Variants in MYOF observed in about 807,000 individuals in gnomAD.
The protein encoded by MYOF is fer-1-like 3, myoferlin.
A neutral mutation model predicts 284.2 loss-of-function variants in MYOF; 244 were observed. The ratio of observed to expected loss-of-function variants is 0.86; its 90% confidence interval spans 0.77 to 0.95. The LOEUF is 0.95. Among genes scored for constraint, MYOF ranks in the 40% least tolerant of loss-of-function variants. The pLI, the probability that MYOF is intolerant of heterozygous loss-of-function variation, is 0.00. For missense variants in MYOF, 2,496 were observed against 2,560.6 expected (o/e 0.97, Z 0.54); for synonymous variants, 904 against 919.7 (o/e 0.98, Z 0.31).
At chr10:93,324,127 C>T (rs1178789312) in intron 46 of MYOF, 3 of 152,144 alleles carry the variant, frequency 2.0e-5, no homozygotes, top group Non-Finnish European at 4.4e-5. Flanking sequence ...CAGACTTGGC[C>T]CATCCATCTG....
intron 19 of MYOF, among the ~76,000 whole-genome samples, chr10:93,383,335 A>G (rs2134009887): frequency 6.6e-6 from 1 of 152,096 alleles, no homozygotes. Flanking sequence ...GTATAATAGA[A>G]CCCTCCAATA....
At chr10:93,420,421 A>G (rs1157155027) in intron 5 of MYOF, among the ~76,000 whole-genome samples, 3 of 152,176 alleles carry the variant, frequency 2.0e-5, no homozygotes, top group Non-Finnish European at 4.4e-5. Context: ...CAGGGGGGTC[A>G]GTGAAAAGAA....
intron 5 of MYOF, among the ~76,000 whole-genome samples, chr10:93,421,887 A>T (rs1173803379): frequency 1.3e-5 from 2 of 152,136 alleles, no homozygotes; most frequent in African/African-American, 2.4e-5. Context: ...TAGGGAAAAG[A>T]AATGTTTTCC....
In MYOF at chr10:93,329,782, C is replaced by T. The variant is rs747515298; in HGVS notation, c.4864G>A (p.Val1622Ile). 6.2e-7 allele frequency: 1 copy of T among 1,614,184 alleles called. No individual in the cohort carries two copies. The highest frequency in any genetic ancestry group is 8.5e-7 in the Non-Finnish European group (1 of 1,180,038). The change falls in exon 44 of 54, where the codon GTC becomes ATC. Residue 1622 changes from valine to isoleucine, a missense_variant. Physicochemically the swap from Val to Ile is conservative, Grantham distance 29. Around this residue, in one of 3 missense-constraint regions of MYOF, gnomAD observed 2,436 missense variants for 2,480.7 expected, o/e 0.98. Coordinates refer to ENST00000359263, the MANE Select transcript of MYOF (RefSeq NM_013451.4). ...CGGGTAAAGGTGTCATAATCATAGACAGAAATTTTCAGGTCTTTTTCTTGA... is the reference window on the plus strand; with the variant it reads ...CGGGTAAAGGTGTCATAATCATAGATAGAAATTTTCAGGTCTTTTTCTTGA... ...LPQEKDLKIS[V>I]YDYDTFTRDE...
At chr10:93,424,584 C>A (rs568427484) in intron 5 of MYOF, among the ~76,000 whole-genome samples, 2 of 152,254 alleles carry the variant, frequency 1.3e-5, no homozygotes, top group South Asian at 4.1e-4. Context: ...AGGAAGAGGG[C>A]GATGGGCAGA....
intron 41 of MYOF, among the ~76,000 whole-genome samples, chr10:93,334,194 AAG>A (rs1389622568): frequency 1.4e-4 from 21 of 152,296 alleles, no homozygotes; most frequent in Admixed American, 5.2e-4. Context: ...GGTGGTGAGA[AAG>A]AGTGAAATAC....
Position 93,431,364 on chromosome 10 carries a change from A to G in MYOF, c.345+44T>C, listed in dbSNP as rs1212506616. The G allele has an allele frequency of 3.2e-6, 5 of 1,562,668 alleles. No individual in the cohort carries two copies. In the African/African-American group the frequency reaches 4.1e-5, roughly 13 times the overall value. On this transcript the variant is annotated intron_variant, in intron 4 of 53. Transcript: ENST00000359263. ...CTTTTTCTTAATGAAATTTTGCTCA[A>G]TCATCTCACTTCAAAGCCATTCAAT...
intron 3 of MYOF, 39 bp from the exon 4 acceptor site, chr10:93,431,555 G>A: frequency 6.7e-7 from 1 of 1,502,888 alleles, no homozygotes. Context: ...AGCCTAAGTA[G>A]GAGATAGGCT....
In MYOF at chr10:93,306,840, G is replaced by A. The variant is rs542606598; in HGVS notation, c.*123C>T. 1.2e-4 allele frequency: 118 copies of A among 1,010,668 alleles called. No homozygotes were observed. The highest frequency in any genetic ancestry group is 1.7e-4 in the Non-Finnish European group (112 of 661,866). The allele number at this position is 1,010,668 out of a possible 1,614,324, so 62.6% of individuals were successfully genotyped here. A position where few individuals can be genotyped will look rare whatever the true frequency, so the allele number is the denominator to read the frequency against. On this transcript the variant is annotated 3_prime_UTR_variant, in exon 54 of 54. Transcript: ENST00000359263. ...GACCCTCTGGGAATCAATGGGGCTC[G>A]GTGACATGGCGTAACCTGCTACTGG...
At chr10:93,427,216 A>C (rs1277271809) in intron 4 of MYOF, among the ~76,000 whole-genome samples, 10 of 138,878 alleles carry the variant, frequency 7.2e-5, no homozygotes, top group East Asian at 2.1e-4. Flanking sequence ...ACAAAACAAA[A>C]CAAAAAAAAA....
At chr10:93,388,261 A>G (rs1846497010) in intron 18 of MYOF, among the ~76,000 whole-genome samples, 2 of 152,064 alleles carry the variant, frequency 1.3e-5, no homozygotes. Context: ...GTCTCCCTTC[A>G]CCGTACTTCA....
intron 37 of MYOF, among the ~76,000 whole-genome samples, chr10:93,344,659 C>T (rs1844093084): frequency 7.1e-6 from 1 of 141,674 alleles, no homozygotes; most frequent in South Asian, 2.3e-4. Flanking sequence ...TGCAGCAAAC[C>T]AACATGGCAC....
intron 3 of MYOF, among the ~76,000 whole-genome samples, chr10:93,432,222 T>A (rs900862824): frequency 3.9e-5 from 6 of 151,900 alleles, no homozygotes; most frequent in Admixed American, 2.0e-4. Context: ...ACCCCATCTC[T>A]ACAAAAAGTT....
intron 40 of MYOF, among the ~76,000 whole-genome samples, chr10:93,337,135 T>G (rs1215368559): frequency 2.1e-5 from 3 of 140,346 alleles, no homozygotes. Flanking sequence ...AGGTGTGGGT[T>G]TTTTTTTTTT....
chr10:93,316,933 G>A (rs1842638841), intron 49 of MYOF, 120 bp from the exon 50 acceptor site: 1 of 726,294 alleles, frequency 1.4e-6, no homozygotes, highest in Admixed American at 2.4e-5. Flanking sequence ...ACTCCCTTGG[G>A]CCTAAATCCT....
intron 17 of MYOF, 43 bp downstream of exon 17, chr10:93,392,874 A>G (rs1194798046): frequency 1.3e-6 from 2 of 1,542,432 alleles, no homozygotes; most frequent in Admixed American, 1.7e-5. Context: ...AGATAATATT[A>G]GCTAGGAAGA....
intron 49 of MYOF, among the ~76,000 whole-genome samples, chr10:93,317,649 AAAAC>A (rs1218745210): frequency 1.3e-5 from 2 of 152,108 alleles, no homozygotes; most frequent in East Asian, 3.9e-4. Flanking sequence ...AAAACAAAAC[AAAAC>A]AAACCACTGG....
At chr10:93,438,667 G>A (rs920337127) in intron 3 of MYOF, among the ~76,000 whole-genome samples, 9 of 152,148 alleles carry the variant, frequency 5.9e-5, no homozygotes, top group Non-Finnish European at 1.0e-4. Context: ...GGAGTAAAGT[G>A]GAGGAGGTAG....
At chr10:93,476,228 C>T (rs944419884) in intron 1 of MYOF, among the ~76,000 whole-genome samples, 1 of 147,586 alleles carries the variant, frequency 6.8e-6, no homozygotes, top group Non-Finnish European at 1.5e-5. Context: ...AGCTCTTTCT[C>T]ACATCACTTC....
Sources: gnomAD v4.1 joint callset for allele counts (sites outside exome capture counted in the v4.1 genomes callset) on GRCh38, gnomAD v4.1.1 for gene constraint, gnomAD v4.1.1 regional missense constraint, MANE v1.5 for transcripts, NCBI Gene and HGNC (gene_info 2026-07-23, HGNC 2026-07-21) for gene names.